MANBA: variants seen among roughly 807,000 people sequenced by gnomAD.
MANBA encodes the protein beta-mannosidase.
Under a neutral mutation model 111.1 loss-of-function variants are expected in MANBA, and 83 were observed. The observed-to-expected ratio is 0.75, with a 90% confidence interval of 0.63 to 0.90. MANBA has a LOEUF of 0.90. Among genes scored for constraint, MANBA ranks in the 40% least tolerant of loss-of-function variants. MANBA has a pLI of 0.00. For missense variants in MANBA, 1,036 were observed against 1,069.0 expected (o/e 0.97, Z 0.43); for synonymous variants, 370 against 378.7 (o/e 0.98, Z 0.27).
intron 7 of MANBA, among the ~76,000 whole-genome samples, chr4:102,688,343 TCA>T (rs1315932236): frequency 6.8e-6 from 1 of 146,780 alleles, no homozygotes; most frequent in Non-Finnish European, 1.5e-5. Flanking sequence ...TCTTCCCCTC[TCA>T]CACACACATA....
At chr4:102,752,290 C>T (rs1480391199) in intron 1 of MANBA, 2 of 1,321,706 alleles carry the variant, frequency 1.5e-6, no homozygotes, top group Non-Finnish European at 2.2e-6. Flanking sequence ...AATTGTATTT[C>T]CCATTCTCCA....
At chr4:102,644,059 G>T (rs997006030) in intron 13 of MANBA, among the ~76,000 whole-genome samples, 2 of 152,122 alleles carry the variant, frequency 1.3e-5, no homozygotes, top group South Asian at 2.1e-4. Context: ...GATCCATTTT[G>T]AGTTAATTTT....
At chr4:102,726,491 A>G in intron 2 of MANBA, 98 bp downstream of exon 2, 1 of 737,458 alleles carries the variant, frequency 1.4e-6, no homozygotes, top group Non-Finnish European at 2.3e-6. Context: ...AAAACATACA[A>G]AACAAAAAAA....
intron 7 of MANBA, among the ~76,000 whole-genome samples, chr4:102,674,666 T>G (rs1007785306): frequency 6.6e-6 from 1 of 152,238 alleles, no homozygotes; most frequent in Admixed American, 6.5e-5. Context: ...CCACGCACTC[T>G]GTGCTATTGG....
chr4:102,659,501 G>T (rs1730825506), intron 11 of MANBA, among the ~76,000 whole-genome samples: 1 of 151,704 alleles, frequency 6.6e-6, no homozygotes, highest in African/African-American at 2.4e-5. Context: ...CATCTTTCTA[G>T]TTTGCTTTGG....
intron 1 of MANBA, chr4:102,752,370 C>T (rs1723841367): frequency 7.7e-7 from 1 of 1,302,816 alleles, no homozygotes; most frequent in Non-Finnish European, 1.1e-6. Context: ...GAACTAAAGA[C>T]CATTCTTTGG....
chr4:102,711,211 C>G (rs556610646), intron 5 of MANBA, among the ~76,000 whole-genome samples: 1 of 152,166 alleles, frequency 6.6e-6, no homozygotes, highest in Admixed American at 6.5e-5. Flanking sequence ...TATTTGCAGA[C>G]TATTCATTTG....
At chr4:102,685,600 C>T (rs1388909392) in intron 7 of MANBA, among the ~76,000 whole-genome samples, 1 of 152,132 alleles carries the variant, frequency 6.6e-6, no homozygotes, top group Non-Finnish European at 1.5e-5. Flanking sequence ...AACTACCTCC[C>T]TGCTTTCTAA....
At chr4:102,656,872 G>GA (rs200694360) in intron 12 of MANBA, among the ~76,000 whole-genome samples, 2,451 of 152,186 alleles carry the variant, frequency 0.016, 64 homozygotes, top group African/African-American at 0.054. Context: ...GAAGAATAAG[G>GA]AAACTATAGA....
At chr4:102,726,783 C>T (rs541234310) in intron 1 of MANBA, 100 bp from the exon 2 acceptor site, 1 of 717,700 alleles carries the variant, frequency 1.4e-6, no homozygotes, top group African/African-American at 1.8e-5. Flanking sequence ...CTATTTATCA[C>T]CTAAAAATTA....
intron 13 of MANBA, among the ~76,000 whole-genome samples, chr4:102,643,131 G>A (rs925448895): frequency 6.6e-6 from 1 of 151,904 alleles, no homozygotes; most frequent in African/African-American, 2.4e-5. Flanking sequence ...CCCTCTCCCC[G>A]GCTTCTGGAA....
chr4:102,673,148 C>T (rs977775554), intron 8 of MANBA, among the ~76,000 whole-genome samples: 2 of 152,148 alleles, frequency 1.3e-5, no homozygotes, highest in East Asian at 1.9e-4. Flanking sequence ...CCACTACACA[C>T]GAGATTTTGT....
At chr4:102,700,877 G>A (rs1389320088) in intron 5 of MANBA, among the ~76,000 whole-genome samples, 6 of 152,098 alleles carry the variant, frequency 3.9e-5, no homozygotes, top group East Asian at 1.9e-4. Context: ...TATTAGGTCC[G>A]CTTGGTGCAG....
intron 5 of MANBA, among the ~76,000 whole-genome samples, chr4:102,691,514 CTT>C (rs544931674): frequency 7.7e-4 from 106 of 136,948 alleles, no homozygotes; most frequent in Non-Finnish European, 9.9e-4. Context: ...TTTCTTTTTC[CTT>C]TTTTTTTTTT....
intron 12 of MANBA, among the ~76,000 whole-genome samples, chr4:102,653,288 C>G (rs1730423690): frequency 6.6e-6 from 1 of 151,004 alleles, no homozygotes; most frequent in Non-Finnish European, 1.5e-5. Context: ...ACCATTAACC[C>G]CAATTTACAG....
chr4:102,712,018 A>G (rs1008138578), intron 5 of MANBA, among the ~76,000 whole-genome samples: 1 of 152,204 alleles, frequency 6.6e-6, no homozygotes, highest in Non-Finnish European at 1.5e-5. Flanking sequence ...GTGTGACTAT[A>G]CTTAACAACA....
chr4:102,743,921 C>T (rs562097506), intron 1 of MANBA, among the ~76,000 whole-genome samples: 1 of 152,342 alleles, frequency 6.6e-6, no homozygotes, highest in African/African-American at 2.4e-5. Context: ...GCTATGAGGG[C>T]CTCCCAGAGG....
intron 5 of MANBA, among the ~76,000 whole-genome samples, chr4:102,710,182 C>T (rs1213214695): frequency 6.6e-6 from 1 of 151,940 alleles, no homozygotes; most frequent in Non-Finnish European, 1.5e-5. Flanking sequence ...AAGAGAAAAA[C>T]ATAAAAGGTA....
chr4:102,715,840 GA>G (rs1722300565), intron 4 of MANBA, among the ~76,000 whole-genome samples: 1 of 152,148 alleles, frequency 6.6e-6, no homozygotes, highest in Admixed American at 6.5e-5. Context: ...AAATTTGGCA[GA>G]AATGTTCTAA....
Sources: allele counts gnomAD v4.1 joint callset (sites outside exome capture counted in the v4.1 genomes callset), GRCh38; gene constraint gnomAD v4.1.1; transcripts MANE v1.5; gene names NCBI Gene and HGNC (gene_info 2026-07-23, HGNC 2026-07-21).